The following ARL8B variants were observed in gnomAD, a reference collection of about 807,000 sequenced individuals.
ARL8B encodes ARF like GTPase 8B.
Under a neutral mutation model 30.6 loss-of-function variants are expected in ARL8B, and 9 were observed. That is an observed-to-expected ratio of 0.29 (90% CI 0.18 to 0.51). The LOEUF is 0.51. Among genes scored for constraint, ARL8B ranks in the 20% least tolerant of loss-of-function variants. ARL8B has a pLI of 0.97. For missense variants in ARL8B, 130 were observed against 227.2 expected (o/e 0.57, Z 2.75); for synonymous variants, 74 against 76.0 (o/e 0.97, Z 0.14).
At chr3:5,138,541 T>C (rs1383949892) in intron 1 of ARL8B, among the ~76,000 whole-genome samples, 1 of 152,148 alleles carries the variant, frequency 6.6e-6, no homozygotes, top group East Asian at 1.9e-4. Flanking sequence ...TCATTATTAT[T>C]TTTAAATAGT....
chr3:5,135,911 C>G (rs1025140283), intron 1 of ARL8B, among the ~76,000 whole-genome samples: 1 of 150,916 alleles, frequency 6.6e-6, no homozygotes, highest in Non-Finnish European at 1.5e-5. Flanking sequence ...CTCAGCCTCT[C>G]GAGTAGCTGG....
At chr3:5,139,090 A>T (rs1259057651) in intron 1 of ARL8B, among the ~76,000 whole-genome samples, 1 of 152,222 alleles carries the variant, frequency 6.6e-6, no homozygotes, top group African/African-American at 2.4e-5. Context: ...TATTTTAAAA[A>T]ATTGTTACTG....
intron 1 of ARL8B, among the ~76,000 whole-genome samples, chr3:5,143,320 C>T (rs904082291): frequency 6.6e-6 from 1 of 152,160 alleles, no homozygotes; most frequent in Non-Finnish European, 1.5e-5. Flanking sequence ...AGATTTTTCT[C>T]AGAGTTAACT....
At chr3:5,132,519 G>A (rs188409434) in intron 1 of ARL8B, among the ~76,000 whole-genome samples, 33 of 152,248 alleles carry the variant, frequency 2.2e-4, no homozygotes, top group African/African-American at 4.8e-4. Context: ...GATTACAGGC[G>A]TGAGCCACTG....
intron 1 of ARL8B, among the ~76,000 whole-genome samples, chr3:5,157,182 C>T (rs2106565079): frequency 6.6e-6 from 1 of 152,274 alleles, no homozygotes; most frequent in Admixed American, 6.5e-5. Flanking sequence ...TGGCTATGTG[C>T]CACACAGGGG....
intron 1 of ARL8B, among the ~76,000 whole-genome samples, chr3:5,136,319 G>T (rs771924200): frequency 2.0e-5 from 3 of 152,150 alleles, no homozygotes; most frequent in Non-Finnish European, 2.9e-5. Flanking sequence ...AAGATTAAGT[G>T]ACACAGTTAA....
At position 5,170,384 on chromosome 3, in the gene ARL8B, T is replaced by A. The variant is rs891059655; in HGVS notation, c.124-119T>A. 3 of 557,012 alleles carry A rather than the reference T, an allele frequency of 5.4e-6. No individual in the cohort carries two copies. The South Asian group carries it at 1.1e-4, about 20-fold the overall frequency. The allele number at this position is 557,012 out of a possible 1,614,324, so 34.5% of individuals were successfully genotyped here. On this transcript the variant is annotated intron_variant, in intron 1 of 6. Transcript: ENST00000256496. ...TAAGGAACATGTTCTTAAAGTAGAT[T>A]GTTACCAATGGTAAAAAAATATTTA...
intron 1 of ARL8B, among the ~76,000 whole-genome samples, chr3:5,133,836 G>A (rs561728094): frequency 4.9e-4 from 75 of 152,270 alleles, no homozygotes; most frequent in African/African-American, 1.8e-3. Context: ...TGCCGGGGAG[G>A]CATAGGTGGT....
At chr3:5,174,748 TA>T (rs1234057686) in intron 6 of ARL8B, among the ~76,000 whole-genome samples, 1 of 141,968 alleles carries the variant, frequency 7.0e-6, no homozygotes, top group Non-Finnish European at 1.5e-5. Context: ...ATGTAATATA[TA>T]ATATATATAA....
At chr3:5,161,198 C>T (rs942945615) in intron 1 of ARL8B, among the ~76,000 whole-genome samples, 2 of 152,206 alleles carry the variant, frequency 1.3e-5, no homozygotes, top group South Asian at 2.1e-4. Flanking sequence ...AGGCACTGTA[C>T]CAGCCTTTAC....
chr3:5,164,552 CACCTT>C (rs910531424), intron 1 of ARL8B, among the ~76,000 whole-genome samples: 1 of 152,180 alleles, frequency 6.6e-6, no homozygotes, highest in African/African-American at 2.4e-5. Flanking sequence ...GTATTTGTAT[CACCTT>C]ACAGCATTCA....
intron 1 of ARL8B, among the ~76,000 whole-genome samples, chr3:5,126,132 A>G (rs1277828461): frequency 6.7e-6 from 1 of 150,042 alleles, no homozygotes; most frequent in Non-Finnish European, 1.5e-5. Flanking sequence ...TTTTTTTTTT[A>G]ACCTCAAGGC....
At chr3:5,145,838 C>A (rs1178152053) in intron 1 of ARL8B, among the ~76,000 whole-genome samples, 1 of 152,182 alleles carries the variant, frequency 6.6e-6, no homozygotes, top group East Asian at 1.9e-4. Context: ...CCCCTCTATT[C>A]CTGATATTCT....
intron 1 of ARL8B, among the ~76,000 whole-genome samples, chr3:5,135,689 C>T (rs1005596994): frequency 6.6e-6 from 1 of 151,612 alleles, no homozygotes; most frequent in Non-Finnish European, 1.5e-5. Flanking sequence ...AAACTCCTGA[C>T]GTTGTGATCT....
intron 1 of ARL8B, among the ~76,000 whole-genome samples, chr3:5,149,166 C>G (rs1345525593): frequency 6.6e-6 from 1 of 152,248 alleles, no homozygotes; most frequent in Non-Finnish European, 1.5e-5. Flanking sequence ...GCAGTACTTA[C>G]AGTCTAATTT....
chr3:5,148,387 T>C (rs533625201), intron 1 of ARL8B, among the ~76,000 whole-genome samples: 2 of 152,290 alleles, frequency 1.3e-5, no homozygotes, highest in South Asian at 4.1e-4. Flanking sequence ...CTTACACTGT[T>C]CTAATTCTTT....
At chr3:5,174,281 A>T (rs776871767) in intron 5 of ARL8B, 63 bp from the exon 6 acceptor site, 125 of 1,240,380 alleles carry the variant, frequency 1.0e-4, no homozygotes, top group Non-Finnish European at 1.3e-4. Context: ...AGTAAAATTG[A>T]ACAAAGTGAT....
At chr3:5,123,041 C>T (rs1319303423) in intron 1 of ARL8B, among the ~76,000 whole-genome samples, 1 of 152,184 alleles carries the variant, frequency 6.6e-6, no homozygotes, top group South Asian at 2.1e-4. Context: ...TAAGTTGCCA[C>T]TTTGGACCAA....
At chr3:5,172,268 C>T (rs1345099162) in intron 3 of ARL8B, 45 bp downstream of exon 3, 1 of 1,508,846 alleles carries the variant, frequency 6.6e-7, no homozygotes, top group South Asian at 1.2e-5. Flanking sequence ...TCAATGTAGG[C>T]ATCAAAGAAG....
Sources: gnomAD v4.1 joint callset for allele counts (sites outside exome capture counted in the v4.1 genomes callset) on GRCh38, gnomAD v4.1.1 for gene constraint, MANE v1.5 for transcripts, NCBI Gene and HGNC (gene_info 2026-07-23, HGNC 2026-07-21) for gene names.